The following UNC80 variants were observed in gnomAD, a reference collection of about 807,000 sequenced individuals.
The protein encoded by UNC80 is protein unc-80 homolog.
UNC80 carries 164 observed loss-of-function variants against 384.6 expected under a neutral mutation model. The ratio of observed to expected loss-of-function variants is 0.43; its 90% CI spans 0.38 to 0.49. UNC80 has a LOEUF of 0.49. Ranked by LOEUF, UNC80 falls within the 20% of genes least tolerant of loss-of-function variation. UNC80 has a pLI of 0.00. For missense variants in UNC80, 3,330 were observed against 4,143.0 expected, an observed-to-expected ratio of 0.80 and a Z score of 5.39; for synonymous variants, 1,486 against 1,527.8, an observed-to-expected ratio of 0.97 and a Z score of 0.64.
In UNC80 at chr2:209,993,402, A is replaced by T. The variant is rs1559455044; in HGVS notation, c.9484A>T (p.Ile3162Phe). The T allele has an allele frequency of 6.4e-7, 1 of 1,551,678 alleles. No individual in the cohort carries two copies. Residue 3162 changes from isoleucine to phenylalanine, a missense_variant, in exon 63 of 65, where the codon ATT (isoleucine) becomes TTT (phenylalanine). Transcript: ENST00000673920. ...TCGGCTGTCAACCACTCGCAGGAGC[A>T]TTCAACCTAAAACGAAGCCGTCTGG... is the stretch of plus-strand genomic sequence containing the variant. ...GARLSTTRRS[I>F]QPKTKPSADQ...
intron 61 of UNC80, among the ~76,000 whole-genome samples, chr2:209,987,583 A>G (rs2125028122): frequency 6.6e-6 from 1 of 152,288 alleles, no homozygotes; most frequent in Non-Finnish European, 1.5e-5. Context: ...CTATTCAAGA[A>G]CTTATGGCCA....
chr2:209,827,494 C>T lies in UNC80; in HGVS notation c.2478+1441C>T, dbSNP rs192390751. 3.9e-3 allele frequency among the ~76,000 whole-genome samples: 601 copies of T among 152,202 alleles called. 1 individual carries two copies. The highest frequency in any genetic ancestry group is 6.8e-3 in the Middle Eastern group (2 of 294). On this transcript the variant is annotated intron_variant, in intron 14 of 64. Coordinates refer to ENST00000673920, the MANE Select transcript of UNC80 (RefSeq NM_001371986.1). ...CACTTAGTTCATCATACTTTCCTCC[C>T]CAGGAGCACCGAACACTTCCTATGA...
intron 37 of UNC80, among the ~76,000 whole-genome samples, chr2:209,930,510 A>C (rs2090771010): frequency 6.6e-6 from 1 of 152,166 alleles, no homozygotes; most frequent in Non-Finnish European, 1.5e-5. Flanking sequence ...ATTTCAATCT[A>C]GTCTCTTGTA....
chr2:209,932,998 C>G (rs1200078718), intron 38 of UNC80, among the ~76,000 whole-genome samples: 1 of 152,010 alleles, frequency 6.6e-6, no homozygotes, highest in Non-Finnish European at 1.5e-5. Context: ...ACAAAGTTTT[C>G]CAGGACTACA....
intron 22 of UNC80, among the ~76,000 whole-genome samples, chr2:209,866,435 G>A (rs547653601): frequency 1.3e-5 from 2 of 149,220 alleles, no homozygotes; most frequent in South Asian, 4.3e-4. Flanking sequence ...CACAACTTGG[G>A]GATTGGGTAA....
chr2:209,969,030 G>A (rs896705923), intron 52 of UNC80: 1 of 152,054 alleles, frequency 6.6e-6, no homozygotes, highest in Admixed American at 6.5e-5. Flanking sequence ...ATTCCATTTC[G>A]CTAGAAAATA....
Position 209,976,778 on chromosome 2 carries a change from CTGTGTAAAG to C in UNC80, c.8773-132_8773-124del. 1 of 984,132 alleles carries C rather than the reference CTGTGTAAAG, an allele frequency of 1.0e-6. No homozygotes were observed. Among genetic ancestry groups the C allele is most frequent in the Non-Finnish European group, 1.4e-6 (1 of 691,954 alleles). The allele number at this position is 984,132 out of a possible 1,614,324, so 61.0% of individuals were successfully genotyped here. On this transcript the variant is annotated intron_variant, in intron 57 of 64. Coordinates refer to ENST00000673920, the MANE Select transcript of UNC80 (RefSeq NM_001371986.1). This position sits in a 1 kb window ranked among gnomAD's most constrained non-coding sequence, Gnocchi z 4.3. ...AAACGATGTAATTATTAAGCACTTC[CTGTGTAAAG>C]TGCCGTTCTAGGAACATCACATGCA...
At chr2:209,867,520 C>T (rs973817134) in intron 22 of UNC80, among the ~76,000 whole-genome samples, 2 of 152,016 alleles carry the variant, frequency 1.3e-5, no homozygotes, top group East Asian at 1.9e-4. Flanking sequence ...TGTTTCTCCC[C>T]CTCTGTCCTA....
chr2:209,954,336 A>G, intron 48 of UNC80, 66 bp downstream of exon 48: 1 of 1,367,800 alleles, frequency 7.3e-7, no homozygotes. Flanking sequence ...AAAAAAAATA[A>G]GAAAAAAATG....
At chr2:209,865,330 C>T (rs1216457181) in intron 22 of UNC80, among the ~76,000 whole-genome samples, 1 of 152,050 alleles carries the variant, frequency 6.6e-6, no homozygotes, top group African/African-American at 2.4e-5. Context: ...CGGCCGGTCG[C>T]GATGGCTCAT....
intron 55 of UNC80, 62 bp from the exon 56 acceptor site, chr2:209,973,002 G>A: frequency 6.8e-7 from 1 of 1,475,836 alleles, no homozygotes; most frequent in Non-Finnish European, 9.2e-7. Flanking sequence ...TGTATCTACT[G>A]TGGACAGTCT....
intron 26 of UNC80, among the ~76,000 whole-genome samples, chr2:209,890,582 T>A (rs1265382541): frequency 6.6e-6 from 1 of 152,246 alleles, no homozygotes; most frequent in Non-Finnish European, 1.5e-5. Flanking sequence ...TTTCCAGATA[T>A]GTTAAAATGT....
intron 52 of UNC80, chr2:209,968,333 C>T (rs189682433): frequency 3.3e-5 from 5 of 152,244 alleles, no homozygotes; most frequent in Admixed American, 1.3e-4. Flanking sequence ...CCCACTTACT[C>T]GGAAATTTCA....
chr2:209,945,785 G>A (rs1403674560), intron 46 of UNC80, 62 bp from the exon 47 acceptor site: 4 of 1,073,584 alleles, frequency 3.7e-6, no homozygotes, highest in Non-Finnish European at 5.6e-6. Flanking sequence ...GGAGTAATAG[G>A]TGCTTCTTTA....
Position 209,777,450 on chromosome 2 carries a change from G to A in UNC80, c.491G>A (p.Ser164Asn). 7 of 1,614,180 alleles carry A rather than the reference G, an allele frequency of 4.3e-6. No individual in the cohort carries two copies. In the South Asian group the frequency reaches 7.7e-5, roughly 18 times the overall value. The change falls in exon 4 of 65, where the codon AGC becomes AAC. Residue 164 changes from serine to asparagine, a missense_variant. Ser to Asn is a conservative substitution (Grantham distance 46). Transcript: ENST00000673920. Reference protein sequence around the residue: ...NQGSPGQPCQSSSNDEEENNR... With the variant: ...NQGSPGQPCQNSSNDEEENNR... Reference sequence around the variant, plus strand: ...GGTTCTCCAGGGCAGCCTTGCCAAAGCAGCTCTAATGACGAAGAAGAGAAC... The same window carrying A: ...GGTTCTCCAGGGCAGCCTTGCCAAAACAGCTCTAATGACGAAGAAGAGAAC...
At chr2:209,815,518 C>A in intron 9 of UNC80, 127 bp downstream of exon 9, 1 of 965,428 alleles carries the variant, frequency 1.0e-6, no homozygotes, top group Non-Finnish European at 1.5e-6. Flanking sequence ...CCGAAGTCAG[C>A]TCCTAGATGT....
Position 209,839,111 on chromosome 2 carries a change from A to C in UNC80, c.3042-111A>C. The C allele has an allele frequency of 2.1e-6, 2 of 971,290 alleles. No individual in the cohort carries two copies. The highest frequency in any genetic ancestry group is 3.1e-6 in the Non-Finnish European group (2 of 655,736). The allele number at this position is 971,290 out of a possible 1,614,324, so 60.2% of individuals were successfully genotyped here. On this transcript the variant is annotated intron_variant, in intron 18 of 64. Transcript: ENST00000673920. This position sits in a 1 kb window ranked among gnomAD's most constrained non-coding sequence, Gnocchi z 4.1. ...CTCTTCCCACATTTCAGCCCATCAA[A>C]GATCATTTTGCATGATTTGCCTAAA...
chr2:209,821,658 TC>T (rs1189328300), intron 13 of UNC80, among the ~76,000 whole-genome samples: 1 of 152,204 alleles, frequency 6.6e-6, no homozygotes, highest in Non-Finnish European at 1.5e-5. Context: ...TAAATTTAAT[TC>T]CCTCTGCCTT....
intron 47 of UNC80, among the ~76,000 whole-genome samples, chr2:209,949,769 C>T (rs1258544314): frequency 2.0e-5 from 3 of 149,848 alleles, no homozygotes; most frequent in South Asian, 2.1e-4. Flanking sequence ...TGAGCCACTG[C>T]GCCCAGCCCC....
Sources: gnomAD v4.1 joint callset for allele counts (sites outside exome capture counted in the v4.1 genomes callset) on GRCh38, gnomAD v4.1.1 for gene constraint, Gnocchi (gnomAD v3.1) non-coding constraint, MANE v1.5 for transcripts, NCBI Gene and HGNC (gene_info 2026-07-23, HGNC 2026-07-21) for gene names.